The following TMC1 variants were observed in gnomAD, a reference collection of about 807,000 sequenced individuals.
TMC1 encodes the protein transmembrane channel-like protein 1.
A neutral mutation model predicts 105.8 loss-of-function variants in TMC1; 84 were observed. That is an observed-to-expected ratio of 0.79 (90% confidence interval 0.67 to 0.95). The LOEUF (loss-of-function observed/expected upper bound fraction) is 0.95, where lower values mean the gene tolerates loss of function less well. Ranked by LOEUF, TMC1 falls within the 40% of genes least tolerant of loss-of-function variation. The pLI is 0.00. For missense variants in TMC1, 817 were observed against 914.1 expected (o/e 0.89, Z 1.37); for synonymous variants, 315 against 311.5 (o/e 1.01, Z -0.12).
rs1252639075 is a variant in TMC1 at position 72,786,667 on chromosome 9, C to G, written c.885-1672C>G. 2.0e-5 allele frequency among the ~76,000 whole-genome samples: 3 copies of G among 152,120 alleles called. 1 individual carries two copies. Among genetic ancestry groups the G allele is most frequent in the Non-Finnish European group, 1.5e-5 (1 of 68,036 alleles). ...TATAGACAAAGAGTAGAGCTTATAG[C>G]TATCATGGCCATATCTCAATAAAAA... On this transcript the variant is annotated intron_variant, in intron 13 of 23. Coordinates refer to ENST00000297784, the MANE Select transcript of TMC1 (RefSeq NM_138691.3).
chr9:72,720,956 C>T (rs1175656962), intron 8 of TMC1, among the ~76,000 whole-genome samples: 1 of 152,164 alleles, frequency 6.6e-6, no homozygotes, highest in Non-Finnish European at 1.5e-5. Flanking sequence ...CTATATTTAA[C>T]ATATCCTATG....
chr9:72,696,607 G>A (rs1826555124), intron 7 of TMC1, among the ~76,000 whole-genome samples: 1 of 152,038 alleles, frequency 6.6e-6, no homozygotes, highest in Non-Finnish European at 1.5e-5. Flanking sequence ...TAATGCCTCA[G>A]GGAATTTCCC....
At chr9:72,559,640 CA>C (rs781294532) in intron 1 of TMC1, among the ~76,000 whole-genome samples, 38 of 152,070 alleles carry the variant, frequency 2.5e-4, no homozygotes, top group Non-Finnish European at 4.7e-4. Flanking sequence ...AGAAAAGGAA[CA>C]AACTTATCGG....
At chr9:72,626,902 C>CCATCACATCA (rs560658416) in intron 3 of TMC1, among the ~76,000 whole-genome samples, 1 of 152,056 alleles carries the variant, frequency 6.6e-6, no homozygotes, top group African/African-American at 2.4e-5. Context: ...ATGCATTAAA[C>CCATCACATCA]CATCACATCA....
chr9:72,832,373 G>T (rs1452821281), intron 23 of TMC1, among the ~76,000 whole-genome samples: 2 of 152,186 alleles, frequency 1.3e-5, no homozygotes, highest in Non-Finnish European at 2.9e-5. Flanking sequence ...AATGGATGCA[G>T]CAACTTCCAA....
chr9:72,663,201 A>G (rs1298354440), intron 5 of TMC1, among the ~76,000 whole-genome samples: 1 of 152,102 alleles, frequency 6.6e-6, no homozygotes, highest in Non-Finnish European at 1.5e-5. Flanking sequence ...TGCATTTCTC[A>G]AGTCCACTCC....
chr9:72,604,272 G>A (rs868479133), intron 2 of TMC1, among the ~76,000 whole-genome samples: 2 of 151,874 alleles, frequency 1.3e-5, no homozygotes, highest in East Asian at 3.9e-4. Flanking sequence ...TGTTCATAAG[G>A]TCTTAAAAAT....
intron 8 of TMC1, among the ~76,000 whole-genome samples, chr9:72,729,174 C>T (rs1183051753): frequency 6.6e-6 from 1 of 152,056 alleles, no homozygotes; most frequent in African/African-American, 2.4e-5. Flanking sequence ...GGCTTTAACA[C>T]ATCTTCATGA....
intron 5 of TMC1, among the ~76,000 whole-genome samples, chr9:72,676,416 G>T (rs1826203271): frequency 6.6e-6 from 1 of 152,132 alleles, no homozygotes; most frequent in South Asian, 2.1e-4. Context: ...GAATGCCCTT[G>T]TAGACTATTA....
intron 1 of TMC1, among the ~76,000 whole-genome samples, chr9:72,539,512 T>TG (rs966639240): frequency 7.3e-5 from 11 of 151,616 alleles, no homozygotes; most frequent in Non-Finnish European, 1.5e-4. Context: ...ACAGCCAAGT[T>TG]TTTTTTTCTA....
chr9:72,566,905 AC>A (rs1214023449), intron 1 of TMC1, among the ~76,000 whole-genome samples: 1 of 152,166 alleles, frequency 6.6e-6, no homozygotes, highest in Admixed American at 6.5e-5. Context: ...AACACATTCC[AC>A]ATATTATAGC....
chr9:72,758,516 C>T (rs1315737758), intron 12 of TMC1, among the ~76,000 whole-genome samples: 1 of 152,154 alleles, frequency 6.6e-6, no homozygotes, highest in Non-Finnish European at 1.5e-5. Flanking sequence ...TTGGTCAGGA[C>T]GTGGTGTCCT....
At chr9:72,583,155 G>A (rs1175316992) in intron 2 of TMC1, among the ~76,000 whole-genome samples, 1 of 152,166 alleles carries the variant, frequency 6.6e-6, no homozygotes, top group African/African-American at 2.4e-5. Context: ...CTGGGAGGCG[G>A]AGGTTGCAAT....
intron 23 of TMC1, among the ~76,000 whole-genome samples, chr9:72,834,701 G>A (rs1307121001): frequency 6.6e-6 from 1 of 152,072 alleles, no homozygotes; most frequent in Non-Finnish European, 1.5e-5. Flanking sequence ...TAACCCAGAA[G>A]CATCTCTGTT....
intron 8 of TMC1, among the ~76,000 whole-genome samples, chr9:72,716,082 C>T (rs370960813): frequency 2.2e-4 from 33 of 152,298 alleles, no homozygotes; most frequent in Middle Eastern, 3.4e-3. Flanking sequence ...TGGGTATCAC[C>T]GGCAGAGGCT....
At chr9:72,747,731 G>C (rs1827513978) in intron 10 of TMC1, among the ~76,000 whole-genome samples, 1 of 152,096 alleles carries the variant, frequency 6.6e-6, no homozygotes, top group Admixed American at 6.6e-5. Flanking sequence ...GAGTAGGTGG[G>C]ATTACAGGCT....
chr9:72,602,360 T>C (rs967031310), intron 2 of TMC1, among the ~76,000 whole-genome samples: 6 of 147,896 alleles, frequency 4.1e-5, no homozygotes, highest in African/African-American at 1.0e-4. Context: ...GATTCTCCTA[T>C]TGGTGATTTT....
At chr9:72,577,399 A>G (rs990747444) in intron 1 of TMC1, among the ~76,000 whole-genome samples, 2 of 152,236 alleles carry the variant, frequency 1.3e-5, no homozygotes, top group Non-Finnish European at 2.9e-5. Flanking sequence ...AAGAAGCCAA[A>G]AACTCTCAGG....
chr9:72,703,319 G>A (rs1826677466), intron 8 of TMC1, among the ~76,000 whole-genome samples: 1 of 151,962 alleles, frequency 6.6e-6, no homozygotes, highest in Non-Finnish European at 1.5e-5. Flanking sequence ...TAGGGATGGG[G>A]TCTTACTATG....
Sources: gnomAD v4.1 joint callset for allele counts (sites outside exome capture counted in the v4.1 genomes callset) on GRCh38, gnomAD v4.1.1 for gene constraint, MANE v1.5 for transcripts, NCBI Gene and HGNC (gene_info 2026-07-23, HGNC 2026-07-21) for gene names.